Variants in COL5A2 observed in about 807,000 individuals in gnomAD.
COL5A2 encodes collagen type V alpha 2 chain.
Under a neutral mutation model 208.2 loss-of-function variants are expected in COL5A2, and 23 were observed. The observed-to-expected ratio is 0.11, with a 90% confidence interval of 0.08 to 0.16. The LOEUF (loss-of-function observed/expected upper bound fraction) is 0.16. Among genes scored for constraint, COL5A2 ranks in the 10% least tolerant of loss-of-function variants. The pLI is 1.00. For synonymous variants in COL5A2, 625 were observed against 628.5 expected, an observed-to-expected ratio of 0.99 and a Z score of 0.08; for missense variants, 1,590 against 1,956.4, an observed-to-expected ratio of 0.81 and a Z score of 3.53.
the COL5A2 span, among the ~76,000 whole-genome samples, chr2:189,295,530 A>G: frequency 1.3e-5 from 2 of 152,112 alleles, no homozygotes; most frequent in African/African-American, 2.4e-5. Context: ...CAGGAGAATC[A>G]CTTGAACCCG....
chr2:189,431,946 A>G, the COL5A2 span, among the ~76,000 whole-genome samples: 1 of 152,196 alleles, frequency 6.6e-6, no homozygotes, highest in African/African-American at 2.4e-5. Flanking sequence ...GCAGTCAGAG[A>G]GAAAGTTCAG....
chr2:189,175,279 TAAAGTCTTCATAAA>T (rs1159998314), intron 1 of COL5A2, among the ~76,000 whole-genome samples: 3 of 152,156 alleles, frequency 2.0e-5, no homozygotes, highest in African/African-American at 7.2e-5. Flanking sequence ...ATGAAGACTT[TAAAGTCTTCATAAA>T]AGGGGGCAGG....
At chr2:189,041,026 G>A (rs1018827290) in intron 50 of COL5A2, among the ~76,000 whole-genome samples, 2 of 152,240 alleles carry the variant, frequency 1.3e-5, no homozygotes, top group Admixed American at 6.5e-5. Context: ...ATACAAACAC[G>A]CACATGAGTA....
chr2:189,280,002 A>T, the COL5A2 span, among the ~76,000 whole-genome samples: 28 of 152,150 alleles, frequency 1.8e-4, 2 homozygotes, highest in East Asian at 1.4e-3. Flanking sequence ...AAGAGACCCA[A>T]GAGAGCTCTC....
At chr2:189,334,253 A>G in the COL5A2 span, among the ~76,000 whole-genome samples, 4 of 152,014 alleles carry the variant, frequency 2.6e-5, no homozygotes, top group Non-Finnish European at 5.9e-5. Flanking sequence ...TGTCCTAGCC[A>G]GTACAAAAAA....
At chr2:189,397,648 GTGA>G in the COL5A2 span, among the ~76,000 whole-genome samples, 12 of 151,994 alleles carry the variant, frequency 7.9e-5, no homozygotes, top group East Asian at 3.9e-4. Flanking sequence ...TGTACAATCT[GTGA>G]TGATGTCTCC....
chr2:189,355,209 CA>C, the COL5A2 span, among the ~76,000 whole-genome samples: 1 of 152,074 alleles, frequency 6.6e-6, no homozygotes, highest in East Asian at 1.9e-4. Context: ...ATCACGTGGT[CA>C]ATTTTAGAAT....
the COL5A2 span, among the ~76,000 whole-genome samples, chr2:189,355,333 C>G: frequency 6.6e-6 from 1 of 152,052 alleles, no homozygotes; most frequent in Non-Finnish European, 1.5e-5. Context: ...CCTGAATATC[C>G]TTGTTAATTT....
At chr2:189,387,146 G>C in the COL5A2 span, among the ~76,000 whole-genome samples, 1 of 152,104 alleles carries the variant, frequency 6.6e-6, no homozygotes, top group Non-Finnish European at 1.5e-5. Flanking sequence ...AAAAAAGAAT[G>C]AAATCATGTC....
the COL5A2 span, among the ~76,000 whole-genome samples, chr2:189,423,826 A>G: frequency 6.6e-6 from 1 of 152,098 alleles, no homozygotes; most frequent in South Asian, 2.1e-4. Flanking sequence ...AACTCTTCCA[A>G]AAAATTGGAG....
the COL5A2 span, among the ~76,000 whole-genome samples, chr2:189,287,699 C>T: frequency 6.6e-6 from 1 of 152,166 alleles, no homozygotes. Context: ...TAGAGCAATA[C>T]ACATATAAAA....
the COL5A2 span, among the ~76,000 whole-genome samples, chr2:189,296,520 A>G: frequency 1.3e-5 from 2 of 152,188 alleles, no homozygotes; most frequent in Non-Finnish European, 2.9e-5. Context: ...GTAACCAGCT[A>G]TTACTGATTA....
intron 1 of COL5A2, among the ~76,000 whole-genome samples, chr2:189,213,549 G>A (rs767065702): frequency 2.5e-4 from 38 of 152,142 alleles, no homozygotes; most frequent in Middle Eastern, 3.2e-3. Flanking sequence ...AATATAGAGG[G>A]AAGAGGAACT....
chr2:189,350,592 C>A, the COL5A2 span, among the ~76,000 whole-genome samples: 6 of 152,162 alleles, frequency 3.9e-5, no homozygotes, highest in Non-Finnish European at 5.9e-5. Flanking sequence ...GAAAGTCCTG[C>A]AGAGTGTTAT....
At chr2:189,191,167 C>CAAAAA (rs1688921444) in intron 1 of COL5A2, among the ~76,000 whole-genome samples, 3 of 124,886 alleles carry the variant, frequency 2.4e-5, no homozygotes, top group East Asian at 2.3e-4. Flanking sequence ...AACAAACAAA[C>CAAAAA]AACAAAAAAC....
At chr2:189,394,052 T>C in the COL5A2 span, among the ~76,000 whole-genome samples, 1,277 of 152,288 alleles carry the variant, frequency 8.4e-3, 15 homozygotes, top group African/African-American at 0.028. Context: ...TGAGCATACC[T>C]CCTAATCACA....
chr2:189,258,938 C>T, the COL5A2 span, among the ~76,000 whole-genome samples: 1 of 152,128 alleles, frequency 6.6e-6, no homozygotes, highest in South Asian at 2.1e-4. Context: ...AAATTACCTG[C>T]CAAATCTTCA....
the COL5A2 span, among the ~76,000 whole-genome samples, chr2:189,422,718 G>C: frequency 6.6e-6 from 1 of 152,086 alleles, no homozygotes; most frequent in African/African-American, 2.4e-5. Context: ...TCAATAACAG[G>C]AGGAACTTCA....
Position 189,132,351 on chromosome 2 carries a change from C to CT in COL5A2, c.98-21903dup, listed in dbSNP as rs536636122. Among the ~76,000 whole-genome samples, 59 of 152,230 alleles carry CT rather than the reference C, an allele frequency of 3.9e-4. No individual in the cohort carries two copies. The East Asian group carries it at 0.01, about 27-fold the overall frequency. On this transcript the variant is annotated intron_variant, in intron 1 of 53. Transcript: ENST00000374866. ...GTTACAAACCTGATTTTACGTTTTT[C>CT]TTTTAATTTCTGTTAAAACAGAGGA...
Sources: gnomAD v4.1 joint callset for allele counts (sites outside exome capture counted in the v4.1 genomes callset) on GRCh38, gnomAD v4.1.1 for gene constraint, MANE v1.5 for transcripts, NCBI Gene and HGNC (gene_info 2026-07-23, HGNC 2026-07-21) for gene names.